Variants in PREX2 observed in about 807,000 individuals in gnomAD.
PREX2 encodes phosphatidylinositol 3,4,5-trisphosphate-dependent Rac exchanger 2 protein.
In PREX2, 107 loss-of-function variants were observed where a neutral mutation model predicts 203.2. The ratio of observed to expected loss-of-function variants is 0.53; its 90% CI spans 0.45 to 0.62. PREX2 has a LOEUF of 0.62. PREX2 is among the 20% of genes least tolerant of loss of function. The probability of loss-of-function intolerance (pLI) is 0.00; values close to 1 mark genes in which losing one functional copy is unlikely to be tolerated. For missense variants in PREX2, 1,777 were observed against 1,955.9 expected (o/e 0.91, Z 1.72); for synonymous variants, 672 against 663.6 (o/e 1.01, Z -0.19).
intron 33 of PREX2, among the ~76,000 whole-genome samples, chr8:68,144,897 T>C (rs989792454): frequency 6.6e-6 from 1 of 152,196 alleles, no homozygotes; most frequent in African/African-American, 2.4e-5. Flanking sequence ...AAACTCCAAC[T>C]GTTGTATCAT....
intron 8 of PREX2, among the ~76,000 whole-genome samples, chr8:68,051,188 G>A (rs1011861321): frequency 4.6e-5 from 7 of 152,068 alleles, no homozygotes; most frequent in Admixed American, 1.3e-4. Flanking sequence ...GGTGGCAGGA[G>A]CATGACTTGA....
At chr8:67,961,212 T>A (rs1805624673) in intron 1 of PREX2, among the ~76,000 whole-genome samples, 2 of 152,196 alleles carry the variant, frequency 1.3e-5, no homozygotes, top group South Asian at 4.1e-4. Flanking sequence ...AATTATTATG[T>A]CTGTGTTTTC....
At chr8:68,008,642 A>G (rs1373796678) in intron 1 of PREX2, among the ~76,000 whole-genome samples, 1 of 152,188 alleles carries the variant, frequency 6.6e-6, no homozygotes, top group Non-Finnish European at 1.5e-5. Flanking sequence ...CTCATCTTGA[A>G]TTGTAGCTCA....
chr8:67,991,281 A>G (rs758672588), intron 1 of PREX2, among the ~76,000 whole-genome samples: 9 of 152,192 alleles, frequency 5.9e-5, no homozygotes, highest in African/African-American at 1.9e-4. Flanking sequence ...TCCAGAGTTC[A>G]TATGCTTCAT....
intron 37 of PREX2, among the ~76,000 whole-genome samples, chr8:68,204,071 G>A (rs2129614949): frequency 6.6e-6 from 1 of 152,110 alleles, no homozygotes; most frequent in South Asian, 2.1e-4. Flanking sequence ...GAAATAAATT[G>A]GTGAGTTAAA....
chr8:68,161,585 G>A (rs949475442), intron 35 of PREX2, among the ~76,000 whole-genome samples: 5 of 151,824 alleles, frequency 3.3e-5, no homozygotes, highest in African/African-American at 7.2e-5. Context: ...TCCATCTTCC[G>A]CAAACCTTCT....
intron 13 of PREX2, among the ~76,000 whole-genome samples, chr8:68,072,097 A>G (rs571895850): frequency 1.3e-5 from 2 of 152,306 alleles, no homozygotes; most frequent in South Asian, 2.1e-4. Context: ...ATTGACATAA[A>G]TAAGAGTTAA....
chr8:68,126,714 ATAAT>A (rs1399901672), intron 30 of PREX2, among the ~76,000 whole-genome samples: 2 of 152,060 alleles, frequency 1.3e-5, no homozygotes, highest in Non-Finnish European at 2.9e-5. Context: ...CACATAAACT[ATAAT>A]TATTTGTTAG....
chr8:68,060,741 TG>T lies in PREX2; in HGVS notation c.1304del (p.Gly435AspfsTer5). The T allele has an allele frequency of 6.2e-7, 1 of 1,612,766 alleles. No individual in the cohort carries two copies. Among genetic ancestry groups the T allele is most frequent in the Admixed American group, 1.7e-5 (1 of 59,818 alleles). ...EIHRPEEGVHLGQALLENGII... is the reference protein window; with the variant it reads ...EIHRPEEGVHXGQALLENGII... ...CACAGGCCTGAGGAAGGCGTGCACT[TG>T]GGACAAGCATTATTAGAAAATGGAA... On this transcript the variant is annotated frameshift_variant, in exon 11 of 40. Coordinates refer to ENST00000288368, the MANE Select transcript of PREX2 (RefSeq NM_024870.4). LOFTEE classifies it high-confidence loss of function.
intron 4 of PREX2, 32 bp downstream of exon 4, chr8:68,022,172 G>T: frequency 9.5e-7 from 1 of 1,048,488 alleles, no homozygotes. Context: ...ACTGTATGTT[G>T]ATATGTGTTG....
intron 21 of PREX2, chr8:68,094,989 A>C (rs1810011235): frequency 6.6e-6 from 1 of 152,216 alleles, no homozygotes; most frequent in Admixed American, 6.5e-5. Context: ...AGAAACTTAC[A>C]ATCACTGGTT....
intron 37 of PREX2, among the ~76,000 whole-genome samples, chr8:68,216,968 C>CAA (rs59972334): frequency 1.7e-4 from 19 of 112,922 alleles, no homozygotes; most frequent in Non-Finnish European, 2.5e-4. Flanking sequence ...CTCAAAAAAA[C>CAA]AAAAAAAAAA....
intron 34 of PREX2, among the ~76,000 whole-genome samples, chr8:68,153,380 A>C (rs1003124303): frequency 1.3e-5 from 2 of 152,232 alleles, no homozygotes; most frequent in African/African-American, 2.4e-5. Flanking sequence ...GCTTCAGTCT[A>C]AGAATAATTT....
At chr8:68,205,783 G>A (rs1414957442) in intron 37 of PREX2, among the ~76,000 whole-genome samples, 2 of 152,148 alleles carry the variant, frequency 1.3e-5, no homozygotes, top group Non-Finnish European at 1.5e-5. Flanking sequence ...TACACAGAAC[G>A]GTGCATTTTA....
At chr8:68,103,681 A>G (rs1361075693) in intron 23 of PREX2, 1 of 519,306 alleles carries the variant, frequency 1.9e-6, no homozygotes, top group Admixed American at 1.9e-5. Flanking sequence ...AAGTCTATTG[A>G]CTATCCTGAT....
intron 37 of PREX2, among the ~76,000 whole-genome samples, chr8:68,193,637 A>G (rs1812339737): frequency 6.6e-6 from 1 of 152,232 alleles, no homozygotes; most frequent in African/African-American, 2.4e-5. Flanking sequence ...ACACACATAC[A>G]ACCCACACAA....
chr8:68,157,292 C>A, intron 34 of PREX2, 30 bp from the exon 35 acceptor site: 3 of 1,228,850 alleles, frequency 2.4e-6, no homozygotes, highest in Non-Finnish European at 3.5e-6. Flanking sequence ...TATAAAGTTG[C>A]TTGTAAAATA....
At chr8:68,155,505 T>C (rs1196725830) in intron 34 of PREX2, among the ~76,000 whole-genome samples, 3 of 152,200 alleles carry the variant, frequency 2.0e-5, no homozygotes, top group Non-Finnish European at 4.4e-5. Context: ...ACAGCTAAAA[T>C]GAGCAGTCAG....
At chr8:68,104,914 G>T (rs1810363814) in intron 23 of PREX2, among the ~76,000 whole-genome samples, 1 of 152,148 alleles carries the variant, frequency 6.6e-6, no homozygotes. Context: ...CCCACCCTGT[G>T]CATTTCTTTA....
Sources: allele counts gnomAD v4.1 joint callset (sites outside exome capture counted in the v4.1 genomes callset), GRCh38; gene constraint gnomAD v4.1.1; transcripts MANE v1.5; gene names NCBI Gene and HGNC (gene_info 2026-07-23, HGNC 2026-07-21).